The following SPATA16 variants were observed in gnomAD, a reference collection of about 807,000 sequenced individuals.
SPATA16 encodes spermatogenesis-associated protein 16.
A neutral mutation model predicts 63.3 loss-of-function variants in SPATA16; 36 were observed. The observed-to-expected ratio is 0.57, with a 90% CI of 0.44 to 0.75. SPATA16 has a LOEUF of 0.75. Ranked by LOEUF, SPATA16 falls within the 30% of genes least tolerant of loss-of-function variation. The pLI, the probability that SPATA16 is intolerant of heterozygous loss-of-function variation, is 0.00. For missense variants in SPATA16, 646 were observed against 679.3 expected (o/e 0.95, Z 0.54); for synonymous variants, 203 against 216.7 (o/e 0.94, Z 0.56).
intron 4 of SPATA16, among the ~76,000 whole-genome samples, chr3:173,015,547 A>T (rs1735162756): frequency 6.6e-6 from 1 of 152,182 alleles, no homozygotes; most frequent in African/African-American, 2.4e-5. Flanking sequence ...CTTCACTACT[A>T]TGAGCACAGT....
intron 5 of SPATA16, among the ~76,000 whole-genome samples, chr3:172,973,224 C>G (rs960661678): frequency 6.6e-6 from 1 of 151,974 alleles, no homozygotes; most frequent in African/African-American, 2.4e-5. Context: ...TATAGGAGAT[C>G]AATTTCCAAT....
At chr3:172,994,272 T>G (rs1734648234) in intron 4 of SPATA16, among the ~76,000 whole-genome samples, 2 of 152,112 alleles carry the variant, frequency 1.3e-5, no homozygotes, top group African/African-American at 4.8e-5. Context: ...CATGCTATTT[T>G]AAGTTCAATT....
chr3:173,128,933 A>C (rs1020737142), intron 1 of SPATA16, among the ~76,000 whole-genome samples: 2 of 152,228 alleles, frequency 1.3e-5, no homozygotes, highest in Non-Finnish European at 2.9e-5. Flanking sequence ...CTTAGGTAAC[A>C]CTGGCACCTG....
chr3:173,108,581 G>C (rs1737673977), intron 2 of SPATA16, among the ~76,000 whole-genome samples: 1 of 152,106 alleles, frequency 6.6e-6, no homozygotes, highest in Admixed American at 6.5e-5. Context: ...GACTCTCTGA[G>C]AGTGGGTTTG....
chr3:173,045,538 G>A (rs553955353), intron 3 of SPATA16, among the ~76,000 whole-genome samples: 1 of 152,234 alleles, frequency 6.6e-6, no homozygotes, highest in African/African-American at 2.4e-5. Flanking sequence ...TTGTGAAATA[G>A]TACTTGTGAA....
chr3:173,091,351 T>G (rs530906269), intron 2 of SPATA16, among the ~76,000 whole-genome samples: 250 of 152,212 alleles, frequency 1.6e-3, no homozygotes, highest in Admixed American at 0.013. Context: ...TTTTTTAACT[T>G]GCTGCAGTCA....
At chr3:172,953,019 A>G (rs1016657380) in intron 6 of SPATA16, among the ~76,000 whole-genome samples, 14 of 151,874 alleles carry the variant, frequency 9.2e-5, no homozygotes, top group African/African-American at 3.1e-4. Context: ...AACAACCTCT[A>G]TTCCCAAACT....
chr3:172,916,123 G>C (rs1460349634), intron 9 of SPATA16, among the ~76,000 whole-genome samples, 194 bp downstream of exon 9: 1 of 152,082 alleles, frequency 6.6e-6, no homozygotes, highest in Non-Finnish European at 1.5e-5. Context: ...TAGTTAATGT[G>C]AGCAAATAAA....
intron 10 of SPATA16, among the ~76,000 whole-genome samples, chr3:172,906,006 T>C (rs1276709323): frequency 6.6e-6 from 1 of 152,260 alleles, no homozygotes; most frequent in Non-Finnish European, 1.5e-5. Context: ...GGTTAAATGC[T>C]GATCTTCTCA....
chr3:173,041,475 C>T (rs905521051), intron 3 of SPATA16, among the ~76,000 whole-genome samples: 50 of 152,034 alleles, frequency 3.3e-4, no homozygotes, highest in African/African-American at 1.2e-3. Flanking sequence ...GAACAACCAC[C>T]CATATGTTTT....
intron 3 of SPATA16, among the ~76,000 whole-genome samples, chr3:173,030,173 T>C (rs1050823769): frequency 2.9e-4 from 44 of 151,766 alleles, no homozygotes; most frequent in East Asian, 2.1e-3. Flanking sequence ...AAAATACTTA[T>C]GAAGTTAAAT....
At chr3:172,935,687 G>C (rs1241858277) in intron 6 of SPATA16, among the ~76,000 whole-genome samples, 1 of 152,102 alleles carries the variant, frequency 6.6e-6, no homozygotes, top group African/African-American at 2.4e-5. Flanking sequence ...AGGTGAAATC[G>C]GGGTATCAGT....
At position 173,100,703 on chromosome 3, in the gene SPATA16, C is replaced by T. The variant is rs1305689195; in HGVS notation, c.612+16417G>A. ...ACACACACACACACACACACACACA[C>T]ACACAGAGTAAATTCTTGTTTATCA... On this transcript the variant is annotated intron_variant, in intron 2 of 10. Transcript: ENST00000351008. Among the ~76,000 whole-genome samples the T allele has an allele frequency of 3.3e-5, 4 of 120,562 alleles. No individual in the cohort carries two copies. The East Asian group carries it at 1.1e-3, about 34-fold the overall frequency. The allele number at this position is 120,562 out of a possible 152,430, so 79.1% of individuals were successfully genotyped here. A position where few individuals can be genotyped will look rare whatever the true frequency, so the allele number is the denominator to read the frequency against.
chr3:172,995,877 G>C (rs1560091227), intron 4 of SPATA16, among the ~76,000 whole-genome samples: 1 of 152,018 alleles, frequency 6.6e-6, no homozygotes, highest in South Asian at 2.1e-4. Context: ...CATAATTGTA[G>C]TACTACACAA....
Position 173,104,075 on chromosome 3 carries a change from G to A in SPATA16, c.612+13045C>T, listed in dbSNP as rs574762600. On this transcript the variant is annotated intron_variant, in intron 2 of 10. Coordinates refer to ENST00000351008, the MANE Select transcript of SPATA16 (RefSeq NM_031955.6). ...CCACAGATATGCAGCCAAATTCTTTGCTAAGGCATAACAAGGGTGACCTTT... is the reference window on the plus strand; with the variant it reads ...CCACAGATATGCAGCCAAATTCTTTACTAAGGCATAACAAGGGTGACCTTT... 3.8e-4 allele frequency among the ~76,000 whole-genome samples: 58 copies of A among 152,272 alleles called. No homozygotes were observed. The South Asian group carries it at 0.012, about 32-fold the overall frequency.
At chr3:173,062,044 ATTTTTTT>A (rs10618031) in intron 2 of SPATA16, among the ~76,000 whole-genome samples, 72 of 115,522 alleles carry the variant, frequency 6.2e-4, no homozygotes, top group Middle Eastern at 0.01. Context: ...GTGCTTCAAC[ATTTTTTT>A]TTTTTTTTTT....
chr3:173,036,808 C>G (rs1469182483), intron 3 of SPATA16, among the ~76,000 whole-genome samples: 1 of 151,960 alleles, frequency 6.6e-6, no homozygotes, highest in Non-Finnish European at 1.5e-5. Flanking sequence ...TATGAAATCA[C>G]TCTTGCAAAA....
intron 8 of SPATA16, among the ~76,000 whole-genome samples, chr3:172,918,367 A>G (rs549531906): frequency 1.3e-5 from 2 of 152,182 alleles, no homozygotes; most frequent in African/African-American, 2.4e-5. Flanking sequence ...GAAAATAAAC[A>G]TAGTGGAAGG....
chr3:173,070,206 C>T (rs1736634803), intron 2 of SPATA16, among the ~76,000 whole-genome samples: 1 of 151,944 alleles, frequency 6.6e-6, no homozygotes, highest in Admixed American at 6.6e-5. Context: ...ACCAGCCTGT[C>T]CAATATGGTG....
Sources: gnomAD v4.1 joint callset for allele counts (sites outside exome capture counted in the v4.1 genomes callset) on GRCh38, gnomAD v4.1.1 for gene constraint, MANE v1.5 for transcripts, NCBI Gene and HGNC (gene_info 2026-07-23, HGNC 2026-07-21) for gene names.